The following SHISA6 variants were observed in gnomAD, a reference collection of about 807,000 sequenced individuals.
SHISA6 encodes the protein protein shisa-6.
Under a neutral mutation model 47.9 loss-of-function variants are expected in SHISA6, and 22 were observed. The ratio of observed to expected loss-of-function variants is 0.46; its 90% confidence interval spans 0.33 to 0.66. The LOEUF (loss-of-function observed/expected upper bound fraction) is 0.66. Ranked by LOEUF, SHISA6 falls within the 30% of genes least tolerant of loss-of-function variation. The pLI, the probability that SHISA6 is intolerant of heterozygous loss-of-function variation, is 0.02. For synonymous variants in SHISA6, 388 were observed against 337.8 expected, an observed-to-expected ratio of 1.15 and a Z score of -1.63; for missense variants, 680 against 764.6, an observed-to-expected ratio of 0.89 and a Z score of 1.30.
chr17:11,369,033 T>C (rs1288081943), intron 2 of SHISA6, among the ~76,000 whole-genome samples: 3 of 152,198 alleles, frequency 2.0e-5, no homozygotes, highest in African/African-American at 7.2e-5. Context: ...GAAGATAATT[T>C]AGAAAGCATG....
chr17:11,443,307 T>G (rs537027575), intron 3 of SHISA6, among the ~76,000 whole-genome samples: 6 of 152,286 alleles, frequency 3.9e-5, no homozygotes, highest in African/African-American at 1.4e-4. Flanking sequence ...CCATGGAACA[T>G]GAAGATAACG....
intron 2 of SHISA6, among the ~76,000 whole-genome samples, chr17:11,319,678 A>C (rs1186664428): frequency 1.3e-5 from 2 of 152,234 alleles, no homozygotes; most frequent in Non-Finnish European, 2.9e-5. Flanking sequence ...TAGTAGCTTT[A>C]TGATTATTCA....
intron 3 of SHISA6, among the ~76,000 whole-genome samples, chr17:11,460,553 G>A (rs1915665822): frequency 6.6e-6 from 1 of 152,082 alleles, no homozygotes; most frequent in African/African-American, 2.4e-5. Flanking sequence ...CACCATGCCT[G>A]GCTAATTTTG....
intron 2 of SHISA6, among the ~76,000 whole-genome samples, chr17:11,280,517 A>G (rs1422552945): frequency 6.6e-6 from 1 of 152,262 alleles, no homozygotes; most frequent in African/African-American, 2.4e-5. Flanking sequence ...ATGGACATCC[A>G]CATAAATAGG....
intron 3 of SHISA6, among the ~76,000 whole-genome samples, chr17:11,389,795 A>G (rs192331789): frequency 6.6e-6 from 1 of 152,220 alleles, no homozygotes; most frequent in East Asian, 1.9e-4. Flanking sequence ...TAAGTTGGGA[A>G]TCTCCCCTTC....
intron 3 of SHISA6, among the ~76,000 whole-genome samples, chr17:11,407,855 G>A (rs1266232471): frequency 6.6e-6 from 1 of 152,154 alleles, no homozygotes; most frequent in East Asian, 1.9e-4. Context: ...AGCTCCCTGT[G>A]TCACACTGGA....
chr17:11,283,534 C>G (rs1187461358), intron 2 of SHISA6, among the ~76,000 whole-genome samples: 1 of 152,172 alleles, frequency 6.6e-6, no homozygotes. Flanking sequence ...CATGCACGTG[C>G]TAATTTTTCT....
chr17:11,419,670 A>G (rs2142280199), intron 3 of SHISA6, among the ~76,000 whole-genome samples: 1 of 152,340 alleles, frequency 6.6e-6, no homozygotes. Context: ...AGTACCCCAA[A>G]AAAGGTAAGC....
intron 3 of SHISA6, among the ~76,000 whole-genome samples, chr17:11,477,638 C>G (rs1158990321): frequency 3.6e-5 from 5 of 138,208 alleles, no homozygotes; most frequent in Non-Finnish European, 7.6e-5. Context: ...TCTCATTGTT[C>G]AATTCCCACC....
intron 1 of SHISA6, among the ~76,000 whole-genome samples, chr17:11,258,875 G>A (rs946572313): frequency 2.0e-4 from 30 of 152,194 alleles, no homozygotes; most frequent in African/African-American, 6.5e-4. Flanking sequence ...CTAAAATCTT[G>A]TGTTCAGGGA....
At position 11,535,913 on chromosome 17, in the gene SHISA6, T is replaced by C. The variant is rs1273050406; in HGVS notation, c.896-15983T>C. Among the ~76,000 whole-genome samples, 8 of 152,234 alleles carry C rather than the reference T, an allele frequency of 5.3e-5. No homozygotes were observed. The Middle Eastern group carries it at 0.014, about 259-fold the overall frequency. Reference sequence around the variant, plus strand: ...TGTGTGTGTGTGTGTGTGTGGTGTGTGTGTATATATCTATATACATATGTA... The same window carrying C: ...TGTGTGTGTGTGTGTGTGTGGTGTGCGTGTATATATCTATATACATATGTA... On this transcript the variant is annotated intron_variant, in intron 3 of 5. Coordinates refer to ENST00000441885, the MANE Select transcript of SHISA6 (RefSeq NM_207386.4).
chr17:11,241,974 G>T lies in SHISA6; in HGVS notation c.552G>T (p.Val184=). The T allele has an allele frequency of 1.3e-6, 2 of 1,551,000 alleles. No individual in the cohort carries two copies. Among genetic ancestry groups the T allele is most frequent in the Non-Finnish European group, 1.7e-6 (2 of 1,147,014 alleles). Reference sequence around the variant, plus strand: ...TCACCGTCTACATCACCTGCGGGGTGATCGCCTTCGTCATCGTGGCCGGCG... The same window carrying T: ...TCACCGTCTACATCACCTGCGGGGTTATCGCCTTCGTCATCGTGGCCGGCG... ...TNFTVYITCG[V]IAFVIVAGVF... Residue 184 remains valine (V), a synonymous_variant, in exon 1 of 6, where the codon GTG becomes GTT. Transcript: ENST00000441885. This position sits in a 1 kb window ranked among gnomAD's most constrained non-coding sequence, Gnocchi z 5.5.
chr17:11,394,102 G>T (rs546425849), intron 3 of SHISA6, among the ~76,000 whole-genome samples: 1 of 152,238 alleles, frequency 6.6e-6, no homozygotes, highest in South Asian at 2.1e-4. Context: ...CTTTGCCCCT[G>T]TGTGAGCAAG....
In SHISA6 at chr17:11,553,846, C is replaced by T. The variant is rs368104856; in HGVS notation, c.952+1894C>T. Reference sequence around the variant, plus strand: ...GAACTGACTAGAAGAGCAATACAGGCTTAAAGAACAGATATTGTCGTTGGC... The same window carrying T: ...GAACTGACTAGAAGAGCAATACAGGTTTAAAGAACAGATATTGTCGTTGGC... On this transcript the variant is annotated intron_variant, in intron 4 of 5. Transcript: ENST00000441885. 1.2e-4 allele frequency among the ~76,000 whole-genome samples: 19 copies of T among 152,290 alleles called. No homozygotes were observed. The East Asian group carries it at 3.5e-3, about 28-fold the overall frequency.
At chr17:11,535,182 G>T (rs924805732) in intron 3 of SHISA6, among the ~76,000 whole-genome samples, 1 of 152,092 alleles carries the variant, frequency 6.6e-6, no homozygotes, top group African/African-American at 2.4e-5. Context: ...GTGCAGGAAA[G>T]CAGGTATAAG....
intron 1 of SHISA6, among the ~76,000 whole-genome samples, chr17:11,244,324 A>G (rs371726708): frequency 1.4e-4 from 21 of 152,030 alleles, no homozygotes; most frequent in African/African-American, 4.8e-4. Flanking sequence ...GTAGGGGACA[A>G]TGCCTGTCTG....
At chr17:11,362,436 T>A (rs1912319854) in intron 2 of SHISA6, among the ~76,000 whole-genome samples, 2 of 152,196 alleles carry the variant, frequency 1.3e-5, no homozygotes, top group African/African-American at 4.8e-5. Flanking sequence ...TCACTGTGCC[T>A]GGCCAGGCCA....
At chr17:11,479,796 T>A (rs1166029237) in intron 3 of SHISA6, among the ~76,000 whole-genome samples, 1 of 151,884 alleles carries the variant, frequency 6.6e-6, no homozygotes. Context: ...TTGCTATTAT[T>A]TTAAACAAAC....
chr17:11,277,779 C>T (rs1467540812), intron 2 of SHISA6, among the ~76,000 whole-genome samples: 4 of 152,116 alleles, frequency 2.6e-5, no homozygotes, highest in Non-Finnish European at 5.9e-5. Flanking sequence ...ACGTGCCTTC[C>T]ATGTCATAGC....
Sources: gnomAD v4.1 joint callset for allele counts (sites outside exome capture counted in the v4.1 genomes callset) on GRCh38, gnomAD v4.1.1 for gene constraint, Gnocchi (gnomAD v3.1) non-coding constraint, MANE v1.5 for transcripts, NCBI Gene and HGNC (gene_info 2026-07-23, HGNC 2026-07-21) for gene names.